KIAA1671: variants seen among roughly 807,000 people sequenced by gnomAD.
The protein encoded by KIAA1671 is uncharacterized protein KIAA1671.
A neutral mutation model predicts 131.2 loss-of-function variants in KIAA1671; 52 were observed. The ratio of observed to expected loss-of-function variants is 0.40; its 90% confidence interval spans 0.32 to 0.50. KIAA1671 has a LOEUF of 0.50. KIAA1671 is among the 20% of genes least tolerant of loss of function. The probability of loss-of-function intolerance (pLI) is 0.73; values close to 1 mark genes in which losing one functional copy is unlikely to be tolerated. For missense variants in KIAA1671, 2,360 were observed against 2,364.2 expected (o/e 1.00, Z 0.04); for synonymous variants, 1,003 against 961.6 (o/e 1.04, Z -0.80).
rs60725069 is a variant in KIAA1671 at position 24,959,579 on chromosome 22, C to CAT, written c.-208+6816_-208+6817dup. ...ATCGAGGCACATACACACACACACA[C>CAT]ATATATATATTTTTTCCTTCAATGC... On this transcript the variant is annotated intron_variant, in intron 1 of 12. Transcript: ENST00000358431. Among the ~76,000 whole-genome samples, 753 of 151,750 alleles carry CAT rather than the reference C, an allele frequency of 5.0e-3. 6 individuals carry two copies. Among genetic ancestry groups the CAT allele is most frequent in the African/African-American group, 0.017 (689 of 41,366 alleles).
chr22:25,096,830 A>G lies in KIAA1671; in HGVS notation c.4530+47466A>G, dbSNP rs185575744. Among the ~76,000 whole-genome samples, 245 of 152,330 alleles carry G rather than the reference A, an allele frequency of 1.6e-3. 5 individuals are homozygous for G. In the South Asian group the frequency reaches 0.032, roughly 20 times the overall value. ...GATCTGCTTTCTGCCACTGTGGATT[A>G]GTCTGTGTGTTGTAGACATGCACGT... On this transcript the variant is annotated intron_variant, in intron 6 of 12. Coordinates refer to ENST00000358431, the MANE Select transcript of KIAA1671 (RefSeq NM_001145206.2).
intron 6 of KIAA1671, among the ~76,000 whole-genome samples, chr22:25,127,392 G>T (rs1377379957): frequency 3.9e-5 from 6 of 152,190 alleles, no homozygotes; most frequent in Non-Finnish European, 7.3e-5. Context: ...TTCTTCAAAT[G>T]GTGCCATTTT....
intron 6 of KIAA1671, among the ~76,000 whole-genome samples, chr22:25,128,939 C>T (rs748995980): frequency 2.0e-5 from 3 of 152,192 alleles, no homozygotes; most frequent in Non-Finnish European, 2.9e-5. Flanking sequence ...GCTGCAGTAC[C>T]GGGTGCATTT....
chr22:25,023,894 G>C (rs949322744), intron 1 of KIAA1671: 2 of 151,470 alleles, frequency 1.3e-5, no homozygotes, highest in African/African-American at 2.4e-5. Context: ...GCAGTGAGCT[G>C]AGATCACGCC....
chr22:25,031,247 A>G (rs377134214), intron 3 of KIAA1671, among the ~76,000 whole-genome samples: 4,666 of 139,054 alleles, frequency 0.034, 123 homozygotes, highest in African/African-American at 0.086. Flanking sequence ...CGCTGAGGCC[A>G]GAGCAGTGGC....
At chr22:25,168,704 A>G (rs1933733497) in intron 6 of KIAA1671, among the ~76,000 whole-genome samples, 1 of 152,110 alleles carries the variant, frequency 6.6e-6, no homozygotes, top group African/African-American at 2.4e-5. Flanking sequence ...GGAAAAAAAA[A>G]AAAGTTTAGG....
intron 6 of KIAA1671, among the ~76,000 whole-genome samples, chr22:25,072,258 T>G (rs1928870579): frequency 6.6e-6 from 1 of 152,014 alleles, no homozygotes; most frequent in Non-Finnish European, 1.5e-5. Context: ...AGTGACAGAG[T>G]CACAGCTCCT....
chr22:25,036,325 C>T (rs1926593703), intron 4 of KIAA1671, among the ~76,000 whole-genome samples: 1 of 152,020 alleles, frequency 6.6e-6, no homozygotes. Context: ...GGTGATCCAC[C>T]CGCCTCGGCC....
At chr22:25,137,378 G>C (rs1368020109) in intron 6 of KIAA1671, among the ~76,000 whole-genome samples, 2 of 152,158 alleles carry the variant, frequency 1.3e-5, no homozygotes, top group Non-Finnish European at 2.9e-5. Context: ...TACCAGGCCT[G>C]TGGTAACACC....
rs1287400764 is a variant in KIAA1671 at position 25,072,978 on chromosome 22, CT to C, written c.4530+23615del. On this transcript the variant is annotated intron_variant, in intron 6 of 12. Transcript: ENST00000358431. ...CAGCATGGGCCCCTCCTCACTGCCC[CT>C]GGGCCCTGGTAATGTTGCCCATTCA... Among the ~76,000 whole-genome samples the C allele has an allele frequency of 2.0e-5, 3 of 152,242 alleles. No homozygotes were observed. In the East Asian group the frequency reaches 5.8e-4, roughly 29 times the overall value.
At chr22:25,083,481 T>C (rs1004456441) in intron 6 of KIAA1671, among the ~76,000 whole-genome samples, 14 of 152,226 alleles carry the variant, frequency 9.2e-5, no homozygotes, top group Non-Finnish European at 1.0e-4. Context: ...AAAAGCACTT[T>C]AGAATGTTTC....
chr22:25,016,944 G>T (rs7291405), intron 1 of KIAA1671, among the ~76,000 whole-genome samples: 3 of 152,016 alleles, frequency 2.0e-5, no homozygotes, highest in Non-Finnish European at 4.4e-5. Context: ...GCCTATAGGC[G>T]GTGTGCCCAG....
In KIAA1671 at chr22:25,040,636, G is replaced by C; in HGVS notation, c.3506G>C (p.Arg1169Pro). Residue 1169 changes from arginine (R) to proline (P), a missense_variant, in exon 5 of 13, where the codon CGT becomes CCT. Arg to Pro is a moderately radical substitution (Grantham distance 103, BLOSUM62 -2). Transcript: ENST00000358431. ...CAAACCACCCCGACTCTGAGGAGTC[G>C]TCCAAAAGATCTTCCTGTGAGAAGG... ...APQTTPTLRS[R>P]PKDLPVRRKT... 6 of 1,551,938 alleles carry C rather than the reference G, an allele frequency of 3.9e-6. No individual in the cohort carries two copies. Among genetic ancestry groups the C allele is most frequent in the Non-Finnish European group, 5.2e-6 (6 of 1,147,050 alleles).
At chr22:25,116,119 C>T (rs1931644304) in intron 6 of KIAA1671, among the ~76,000 whole-genome samples, 1 of 152,142 alleles carries the variant, frequency 6.6e-6, no homozygotes. Context: ...TGCCCTGTCA[C>T]TGGAGCTGGA....
intron 6 of KIAA1671, among the ~76,000 whole-genome samples, chr22:25,139,107 T>A (rs1181097044): frequency 6.6e-6 from 1 of 152,258 alleles, no homozygotes; most frequent in African/African-American, 2.4e-5. Flanking sequence ...GTAATGGGTC[T>A]CCTGGGCATC....
At chr22:25,164,680 TG>T (rs1933577687) in intron 6 of KIAA1671, among the ~76,000 whole-genome samples, 1 of 152,284 alleles carries the variant, frequency 6.6e-6, no homozygotes, top group East Asian at 1.9e-4. Context: ...CCCGGTATGG[TG>T]GCTCATGCCT....
chr22:25,089,053 A>G (rs773018972), intron 6 of KIAA1671, among the ~76,000 whole-genome samples: 8 of 152,210 alleles, frequency 5.3e-5, no homozygotes, highest in Non-Finnish European at 1.2e-4. Context: ...CCTAAACAAT[A>G]CAGCATAACA....
At chr22:25,044,742 G>A (rs1231451890) in intron 5 of KIAA1671, among the ~76,000 whole-genome samples, 2 of 152,164 alleles carry the variant, frequency 1.3e-5, no homozygotes, top group African/African-American at 4.8e-5. Flanking sequence ...TCCCCCAGAG[G>A]CAGCCACCAT....
At chr22:25,070,263 C>A in intron 6 of KIAA1671, 1 of 411,922 alleles carries the variant, frequency 2.4e-6, no homozygotes, top group Admixed American at 4.4e-5. Context: ...ATTTATGCCG[C>A]CTTGAACTTG....
Sources: allele counts gnomAD v4.1 joint callset (sites outside exome capture counted in the v4.1 genomes callset), GRCh38; gene constraint gnomAD v4.1.1; transcripts MANE v1.5; gene names NCBI Gene and HGNC (gene_info 2026-07-23, HGNC 2026-07-21).